Variants in ARHGAP23 observed in about 807,000 individuals in gnomAD.
ARHGAP23 encodes the protein rho GTPase-activating protein 23.
ARHGAP23 carries 34 observed loss-of-function variants against 136.3 expected under a neutral mutation model. The ratio of observed to expected loss-of-function variants is 0.25; its 90% CI spans 0.19 to 0.33. ARHGAP23 has a LOEUF of 0.33. Ranked by LOEUF, ARHGAP23 falls within the 10% of genes least tolerant of loss-of-function variation. The pLI, the probability that ARHGAP23 is intolerant of heterozygous loss-of-function variation, is 1.00. For missense variants in ARHGAP23, 1,808 were observed against 2,139.0 expected (o/e 0.85, Z 3.05); for synonymous variants, 832 against 920.5 (o/e 0.90, Z 1.74).
rs1226596010 is a variant in ARHGAP23, at chr17:38,462,883, C to A, written c.291C>A (p.Thr97=). ...GGTACCGCCTGGAGCCCATGGACAC[C>A]ATCTTTGTCAAGAATGTGAAGGAAG... The part of the protein sequence containing the change: ...SPRYRLEPMD[T]IFVKNVKEDG... Residue 97 remains threonine (T), a synonymous_variant, in exon 4 of 24, where the codon ACC becomes ACA. Transcript: ENST00000622683. 1 of 1,534,390 alleles carries A rather than the reference C, an allele frequency of 6.5e-7. No individual in the cohort carries two copies. Among genetic ancestry groups the A allele is most frequent in the Non-Finnish European group, 8.8e-7 (1 of 1,141,894 alleles).
rs765545843 is a variant in ARHGAP23, at chr17:38,510,749, A to G, written c.4253A>G (p.Asn1418Ser). The G allele has an allele frequency of 6.7e-6, 10 of 1,485,850 alleles. No homozygotes were observed. The highest frequency in any genetic ancestry group is 2.0e-4 in the Middle Eastern group (1 of 5,074). The allele number at this position is 1,485,850 out of a possible 1,614,324, so 92.0% of individuals were successfully genotyped here. A position where few individuals can be genotyped will look rare whatever the true frequency, so the allele number is the denominator to read the frequency against. ...GTGCAGAGCCCGCTGACTGACCTCA[A>G]CTTCAACGAGTGGAAGGAGCTGGGC... ...VVVQSPLTDL[N>S]FNEWKELGGG... The change falls in exon 24 of 24, where the codon AAC (asparagine) becomes AGC (serine). Residue 1418 changes from asparagine to serine, a missense_variant. Physicochemically the swap from Asn to Ser is conservative, Grantham distance 46. Coordinates refer to ENST00000622683, the MANE Select transcript of ARHGAP23 (RefSeq NM_001199417.2). The surrounding 1 kb of genome is among the most constrained non-coding windows in gnomAD (Gnocchi z 4.6).
At chr17:38,440,652 C>T (rs1406475933) in intron 1 of ARHGAP23, among the ~76,000 whole-genome samples, 1 of 152,202 alleles carries the variant, frequency 6.6e-6, no homozygotes, top group Non-Finnish European at 1.5e-5. Flanking sequence ...ACCCAGTGAA[C>T]AGTCCTAGAA....
intron 20 of ARHGAP23, among the ~76,000 whole-genome samples, chr17:38,494,306 G>A (rs912203674): frequency 6.6e-6 from 1 of 152,316 alleles, no homozygotes; most frequent in East Asian, 1.9e-4. Context: ...CACTCGCGGC[G>A]GTGCCTGGCA....
intron 1 of ARHGAP23, among the ~76,000 whole-genome samples, chr17:38,439,916 G>T (rs7211127): frequency 0.28 from 41,784 of 151,474 alleles, 5,930 homozygotes; most frequent in South Asian, 0.34. Flanking sequence ...TTTTAGTAGA[G>T]ATGGGGTCTC....
Position 38,510,287 on chromosome 17 carries a change from C to T in ARHGAP23, c.3791C>T (p.Ala1264Val). 7.8e-7 allele frequency: 1 copy of T among 1,288,568 alleles called. No individual in the cohort carries two copies. The highest frequency in any genetic ancestry group is 9.8e-7 in the Non-Finnish European group (1 of 1,018,078). 79.8% of individuals were successfully genotyped at this position (1,288,568 alleles called of 1,614,324 possible). ...STMDRSVCSG[A>V]SGRRAGAGDE... is the part of the protein sequence containing the mutation. ...ATGGACCGCAGCGTGTGCTCGGGCG[C>T]TAGCGGTCGGCGGGCAGGGGCGGGG... Residue 1264 changes from alanine to valine, a missense_variant, in exon 24 of 24, where the codon GCT becomes GTT. This residue lies in a region of ARHGAP23 where 506 missense variants were observed against 455.8 expected (regional missense o/e 1.11). Transcript: ENST00000622683. This position sits in a 1 kb window ranked among gnomAD's most constrained non-coding sequence, Gnocchi z 4.6.
intron 12 of ARHGAP23, among the ~76,000 whole-genome samples, chr17:38,479,225 G>A (rs1321156600): frequency 7.9e-5 from 12 of 152,102 alleles, no homozygotes; most frequent in Non-Finnish European, 1.6e-4. Flanking sequence ...GTTTATTACC[G>A]AGGAGACTGA....
At chr17:38,439,866 A>C (rs6503622) in intron 1 of ARHGAP23, among the ~76,000 whole-genome samples, 109,720 of 150,464 alleles carry the variant, frequency 0.73, 40,690 homozygotes, top group African/African-American at 0.88. Flanking sequence ...CCTCCAACTC[A>C]CAGGTTCAAG....
rs968894008 is a variant in ARHGAP23, at chr17:38,458,277, G to A, written c.225+14G>A. ...TGCAGCCTGAAGGTATGCCCGGCTC[G>A]CCGCTGCCCTGGTCTGGGGAAGCTT... On this transcript the variant is annotated intron_variant, in intron 2 of 23. Coordinates refer to ENST00000622683, the MANE Select transcript of ARHGAP23 (RefSeq NM_001199417.2). The A allele has an allele frequency of 2.2e-5, 33 of 1,500,764 alleles. No individual in the cohort carries two copies. The highest frequency in any genetic ancestry group is 1.7e-4 in the Middle Eastern group (1 of 5,830). 93.0% of individuals were successfully genotyped at this position (1,500,764 alleles called of 1,614,324 possible).
intron 1 of ARHGAP23, among the ~76,000 whole-genome samples, chr17:38,419,844 CTGGTGG>C (rs1415242736): frequency 6.6e-6 from 1 of 152,112 alleles, no homozygotes; most frequent in African/African-American, 2.4e-5. Context: ...CCAGTCCCTC[CTGGTGG>C]GACCTCAAGA....
intron 16 of ARHGAP23, among the ~76,000 whole-genome samples, chr17:38,483,602 G>A (rs2040095495): frequency 6.6e-6 from 1 of 152,278 alleles, no homozygotes; most frequent in Admixed American, 6.5e-5. Flanking sequence ...AACGTGGGCA[G>A]TGATGTCCCA....
chr17:38,436,451 G>C (rs1226027177), intron 1 of ARHGAP23, among the ~76,000 whole-genome samples: 2 of 152,312 alleles, frequency 1.3e-5, no homozygotes, highest in East Asian at 3.9e-4. Flanking sequence ...TTCAGCCGGG[G>C]GCAGGAGAAG....
chr17:38,491,555 G>T (rs1330139189), intron 20 of ARHGAP23, 23 bp downstream of exon 20: 3 of 1,549,140 alleles, frequency 1.9e-6, no homozygotes, highest in East Asian at 2.4e-5. Context: ...TCCGGGGGGC[G>T]CCCGGCAGCC....
In ARHGAP23 at chr17:38,510,410, C is replaced by A; in HGVS notation, c.3914C>A (p.Pro1305Gln). Residue 1305 changes from proline (P) to glutamine (Q), a missense_variant, in exon 24 of 24, where the codon CCG (proline) becomes CAG (glutamine). Coordinates refer to ENST00000622683, the MANE Select transcript of ARHGAP23 (RefSeq NM_001199417.2). The surrounding 1 kb of genome is among the most constrained non-coding windows in gnomAD (Gnocchi z 4.6). ...AGPGGRLTRRPSFSSHHLMPC... is the reference protein window; with the variant it reads ...AGPGGRLTRRQSFSSHHLMPC... The stretch of plus-strand genomic sequence containing the variant: ...CCTGGGGGGCGCCTGACACGCCGGC[C>A]GTCCTTCAGCTCGCACCACCTCATG... 8.1e-7 allele frequency: 1 copy of A among 1,238,850 alleles called. No individual in the cohort carries two copies. The highest frequency in any genetic ancestry group is 3.8e-5 in the South Asian group (1 of 26,596). 76.7% of individuals were successfully genotyped at this position (1,238,850 alleles called of 1,614,324 possible). A position where few individuals can be genotyped will look rare whatever the true frequency, so the allele number is the denominator to read the frequency against.
chr17:38,464,597 G>A (rs987793644), intron 6 of ARHGAP23, among the ~76,000 whole-genome samples: 2 of 152,226 alleles, frequency 1.3e-5, no homozygotes, highest in Non-Finnish European at 2.9e-5. Context: ...AGGAGGGGGG[G>A]ATCTGAGGTG....
chr17:38,510,568 C>G lies in ARHGAP23; in HGVS notation c.4072C>G (p.Pro1358Ala). Reference sequence around the variant, plus strand: ...CAGCAGCCAGGAGTCGCTGCGGCCCCCGGCGGCGGCGCTGGCCTCCCGGCC... The same window carrying G: ...CAGCAGCCAGGAGTCGCTGCGGCCCGCGGCGGCGGCGCTGGCCTCCCGGCC... ...SSSSQESLRP[P>A]AAALASRPSR... is the part of the protein sequence containing the mutation. The change falls in exon 24 of 24, where the codon CCG becomes GCG. Residue 1358 changes from proline (P) to alanine (A), a missense_variant. Coordinates refer to ENST00000622683, the MANE Select transcript of ARHGAP23 (RefSeq NM_001199417.2). This position sits in a 1 kb window ranked among gnomAD's most constrained non-coding sequence, Gnocchi z 4.6. 1 of 1,241,234 alleles carries G rather than the reference C, an allele frequency of 8.1e-7. No individual in the cohort carries two copies. The highest frequency in any genetic ancestry group is 3.2e-5 in the South Asian group (1 of 31,590). The allele number at this position is 1,241,234 out of a possible 1,614,324, so 76.9% of individuals were successfully genotyped here.
At chr17:38,443,678 G>C (rs1037225115) in intron 1 of ARHGAP23, among the ~76,000 whole-genome samples, 1 of 149,024 alleles carries the variant, frequency 6.7e-6, no homozygotes, top group Non-Finnish European at 1.5e-5. Context: ...GGAGGGATGG[G>C]CAGGGCTGGG....
At position 38,466,753 on chromosome 17, in the gene ARHGAP23, G is replaced by A. The variant is rs1347089180; in HGVS notation, c.1070G>A (p.Arg357Gln). 16 of 1,548,284 alleles carry A rather than the reference G, an allele frequency of 1.0e-5. No homozygotes were observed. Among genetic ancestry groups the A allele is most frequent in the African/African-American group, 5.5e-5 (4 of 73,010 alleles). ...GCTCGCTCAGATGACTACTTGAGCC[G>A]GGCCACCCGTTCTGCCGAGGCACTG... ...HRARSDDYLS[R>Q]ATRSAEALGP... Residue 357 changes from arginine (R) to glutamine (Q), a missense_variant, in exon 7 of 24, where the codon CGG (arginine) becomes CAG (glutamine). Arg to Gln is a conservative substitution (Grantham distance 43). Around this residue, in one of 7 missense-constraint regions of ARHGAP23, gnomAD observed 859 missense variants for 936.4 expected, o/e 0.92. Transcript: ENST00000622683.
At chr17:38,472,163 G>T (rs2039775923) in intron 11 of ARHGAP23, among the ~76,000 whole-genome samples, 157 bp downstream of exon 11, 1 of 152,190 alleles carries the variant, frequency 6.6e-6, no homozygotes, top group South Asian at 2.1e-4. Context: ...CCTGGCAGGG[G>T]GATTTAAAGA....
intron 23 of ARHGAP23, among the ~76,000 whole-genome samples, chr17:38,509,073 T>A (rs951045371): frequency 6.9e-6 from 1 of 145,636 alleles, no homozygotes; most frequent in Admixed American, 6.8e-5. Context: ...AAGAAGAACC[T>A]CCCAAGAGGC....
Sources: allele counts gnomAD v4.1 joint callset (sites outside exome capture counted in the v4.1 genomes callset), GRCh38; gene constraint gnomAD v4.1.1; regional missense constraint gnomAD v4.1.1; non-coding constraint Gnocchi (gnomAD v3.1); transcripts MANE v1.5; gene names NCBI Gene and HGNC (gene_info 2026-07-23, HGNC 2026-07-21).